SEMA6A: variants seen among roughly 807,000 people sequenced by gnomAD.
SEMA6A encodes semaphorin 6A, also known as semaphorin-6A.
A neutral mutation model predicts 96.8 loss-of-function variants in SEMA6A; 25 were observed. That is an observed-to-expected ratio of 0.26 (90% CI 0.19 to 0.36). SEMA6A has a LOEUF of 0.36. SEMA6A is among the 10% of genes least tolerant of loss of function. The pLI is 1.00. For missense variants in SEMA6A, 1,363 were observed against 1,323.1 expected (o/e 1.03, Z -0.47); for synonymous variants, 612 against 518.0 (o/e 1.18, Z -2.46).
rs201640284 is a variant in SEMA6A at position 116,505,166 on chromosome 5, C to T, written c.-38-184G>A. 2.0e-4 allele frequency among the ~76,000 whole-genome samples: 31 copies of T among 152,248 alleles called. No individual in the cohort carries two copies. In the East Asian group the frequency reaches 4.8e-3, roughly 24 times the overall value. On this transcript the variant is annotated intron_variant, in intron 1 of 18. Transcript: ENST00000343348. ...TTACCTACTGCTACCTCCTTCCCCA[C>T]GCATCTGAGCCCTTTTGCAAAGTTT...
At chr5:116,536,411 T>A (rs1759711128) in intron 1 of SEMA6A, 1 of 152,150 alleles carries the variant, frequency 6.6e-6, no homozygotes, top group Non-Finnish European at 1.5e-5. Flanking sequence ...AGAGACATTG[T>A]CCTGGGGAGC....
intron 18 of SEMA6A, among the ~76,000 whole-genome samples, chr5:116,457,954 G>A (rs1303748726): frequency 6.6e-6 from 1 of 152,126 alleles, no homozygotes; most frequent in African/African-American, 2.4e-5. Context: ...CAAGCCCTAC[G>A]TAGTTTGAGG....
At position 116,489,026 on chromosome 5, in the gene SEMA6A, G is replaced by T; in HGVS notation, c.536-19C>A. 4.5e-6 allele frequency: 7 copies of T among 1,552,018 alleles called. No homozygotes were observed. Among genetic ancestry groups the T allele is most frequent in the Non-Finnish European group, 6.1e-6 (7 of 1,147,114 alleles). On this transcript the variant is annotated intron_variant, in intron 7 of 18. Transcript: ENST00000343348. ...TTTCCATCTTAGAAGAAAAAGAAAA[G>T]AGGTGAACAGGGTGGGAGCAAGTCA...
chr5:116,533,342 C>T (rs1222260421), intron 1 of SEMA6A, among the ~76,000 whole-genome samples: 2 of 148,438 alleles, frequency 1.3e-5, no homozygotes, highest in Non-Finnish European at 3.0e-5. Context: ...CACTGCTGCT[C>T]TGTGCACAGA....
chr5:116,477,843 T>C lies in SEMA6A; in HGVS notation c.1649+3A>G. ...ACCCTCTCCCACACCTCAGGCTGCC[T>C]ACCTGCTGTTGGGTGATAAATGGCT... is the stretch of plus-strand genomic sequence containing the variant. On this transcript the variant is annotated splice_donor_region_variant and intron_variant, in intron 15 of 18. Coordinates refer to ENST00000343348, the MANE Select transcript of SEMA6A (RefSeq NM_020796.5). 1.2e-6 allele frequency: 2 copies of C among 1,613,670 alleles called. No homozygotes were observed. The highest frequency in any genetic ancestry group is 8.5e-7 in the Non-Finnish European group (1 of 1,179,834).
At chr5:116,478,229 C>A in intron 13 of SEMA6A, 75 bp from the exon 14 acceptor site, 1 of 1,521,204 alleles carries the variant, frequency 6.6e-7, no homozygotes, top group East Asian at 2.4e-5. Context: ...CATCCCACTT[C>A]CCAGCCCACA....
Position 116,447,615 on chromosome 5 carries a change from G to A in SEMA6A, c.2091C>T (p.Gly697=). 8.1e-6 allele frequency: 13 copies of A among 1,614,038 alleles called. No homozygotes were observed. The highest frequency in any genetic ancestry group is 1.1e-5 in the Non-Finnish European group (13 of 1,179,886). The change falls in exon 19 of 19, where the codon GGC becomes GGT. Residue 697 remains glycine, a synonymous_variant. Transcript: ENST00000343348. ...TGAGCTTGGTGACGCTGCTCATGGA[G>A]CCCCGGCGCGAGTGGGTGAGCTCCT... ...KEKELTHSRR[G]SMSSVTKLSG...
At chr5:116,546,270 A>G (rs560552365) in intron 1 of SEMA6A, among the ~76,000 whole-genome samples, 105 of 152,356 alleles carry the variant, frequency 6.9e-4, no homozygotes, top group Non-Finnish European at 8.1e-4. Flanking sequence ...ACAGGCTTGT[A>G]AAGGTCCATG....
Position 116,474,416 on chromosome 5 carries a change from G to A in SEMA6A, c.1708+1129C>T, listed in dbSNP as rs111725936. Among the ~76,000 whole-genome samples, 1,157 of 152,018 alleles carry A rather than the reference G, an allele frequency of 7.6e-3. 9 individuals are homozygous for A. Among genetic ancestry groups the A allele is most frequent in the Non-Finnish European group, 0.01 (698 of 67,978 alleles). ...CCCTGATACGGATGAACGCACACAC[G>A]TAACATACATCTTTTAGTGATGACA... On this transcript the variant is annotated intron_variant, in intron 16 of 18. Coordinates refer to ENST00000343348, the MANE Select transcript of SEMA6A (RefSeq NM_020796.5).
intron 1 of SEMA6A, among the ~76,000 whole-genome samples, chr5:116,518,781 T>C (rs1264409398): frequency 6.6e-6 from 1 of 152,198 alleles, no homozygotes; most frequent in Non-Finnish European, 1.5e-5. Flanking sequence ...TCAACCTGCA[T>C]CATCCAGGCT....
chr5:116,462,307 G>A lies in SEMA6A; in HGVS notation c.1894+5276C>T, dbSNP rs114507602. 4.9e-3 allele frequency among the ~76,000 whole-genome samples: 741 copies of A among 152,272 alleles called. 3 individuals are homozygous for A. Among genetic ancestry groups the A allele is most frequent in the African/African-American group, 8.5e-3 (355 of 41,568 alleles). The stretch of plus-strand genomic sequence containing the variant: ...AACTTAGAATAGGTAAAGTTTGAAC[G>A]GGAGAAAAGGAGAAGGGTCAAGGGT... On this transcript the variant is annotated intron_variant, in intron 18 of 18. Coordinates refer to ENST00000343348, the MANE Select transcript of SEMA6A (RefSeq NM_020796.5).
intron 18 of SEMA6A, 90 bp downstream of exon 18, chr5:116,467,493 C>T: frequency 7.4e-7 from 1 of 1,345,796 alleles, no homozygotes; most frequent in Non-Finnish European, 1.0e-6. Context: ...TCCTTAAATG[C>T]TGCCAAAATT....
intron 1 of SEMA6A, among the ~76,000 whole-genome samples, chr5:116,513,268 T>C (rs1417990052): frequency 6.6e-6 from 1 of 152,060 alleles, no homozygotes; most frequent in Admixed American, 6.6e-5. Context: ...GCTGGGATTA[T>C]AGGCATACAT....
intron 18 of SEMA6A, among the ~76,000 whole-genome samples, chr5:116,458,040 G>A (rs961149151): frequency 1.3e-5 from 2 of 152,144 alleles, no homozygotes; most frequent in Non-Finnish European, 2.9e-5. Context: ...TTTGCCCTCT[G>A]TGGACTAGTT....
chr5:116,533,221 T>C (rs1290071712), intron 1 of SEMA6A, among the ~76,000 whole-genome samples: 4 of 152,136 alleles, frequency 2.6e-5, no homozygotes, highest in Non-Finnish European at 4.4e-5. Context: ...GAATGGGCTT[T>C]CTACTCTATG....
chr5:116,489,747 T>C (rs1167624881), intron 7 of SEMA6A, among the ~76,000 whole-genome samples: 1 of 152,172 alleles, frequency 6.6e-6, no homozygotes, highest in Non-Finnish European at 1.5e-5. Context: ...GGAGATACGA[T>C]TGAGGGTAGA....
In SEMA6A at chr5:116,496,326, A is replaced by G; in HGVS notation, c.280-13T>C. On this transcript the variant is annotated splice_polypyrimidine_tract_variant and intron_variant, in intron 4 of 18. Transcript: ENST00000343348. ...TCCATGTCAGTTTCTGCAGGGATCA[A>G]GAAAGAAATCAATTAGAGCCCAGAG... 6.2e-7 allele frequency: 1 copy of G among 1,612,702 alleles called. No individual in the cohort carries two copies. Among genetic ancestry groups the G allele is most frequent in the Non-Finnish European group, 8.5e-7 (1 of 1,178,946 alleles).
intron 3 of SEMA6A, among the ~76,000 whole-genome samples, chr5:116,501,550 T>G (rs1169671953): frequency 6.6e-6 from 1 of 152,236 alleles, no homozygotes; most frequent in East Asian, 1.9e-4. Flanking sequence ...CACACCTACA[T>G]TCACACTATA....
Position 116,478,089 on chromosome 5 carries a change from G to A in SEMA6A, c.1493C>T (p.Ser498Phe), listed in dbSNP as rs1289137691. 6.2e-7 allele frequency: 1 copy of A among 1,613,940 alleles called. No homozygotes were observed. Among genetic ancestry groups the A allele is most frequent in the Admixed American group, 1.7e-5 (1 of 60,004 alleles). ...ACAGGTAGAGAACGCAACATACAGA[G>A]AGCTGCTTGCTCTGTCCAGCTGCAT... Reference protein sequence around the residue: ...MGMQLDRASSSLYVAFSTCVI... With the variant: ...MGMQLDRASSFLYVAFSTCVI... Residue 498 changes from serine (S) to phenylalanine (F), a missense_variant, in exon 14 of 19, where the codon TCT (serine) becomes TTT (phenylalanine). By Grantham distance (155) the Ser-to-Phe change is radical. Coordinates refer to ENST00000343348, the MANE Select transcript of SEMA6A (RefSeq NM_020796.5).
Sources: allele counts gnomAD v4.1 joint callset (sites outside exome capture counted in the v4.1 genomes callset), GRCh38; gene constraint gnomAD v4.1.1; transcripts MANE v1.5; gene names NCBI Gene and HGNC (gene_info 2026-07-23, HGNC 2026-07-21).